The following DDB2 variants were observed in gnomAD, a reference collection of about 807,000 sequenced individuals.
DDB2 encodes damage specific DNA binding protein 2.
In DDB2, 27 loss-of-function variants were observed where a neutral mutation model predicts 50.5. The ratio of observed to expected loss-of-function variants is 0.53; its 90% CI spans 0.39 to 0.74. The LOEUF is 0.74. Ranked by LOEUF, DDB2 falls within the 30% of genes least tolerant of loss-of-function variation. The pLI, the probability that DDB2 is intolerant of heterozygous loss-of-function variation, is 0.00. For missense variants in DDB2, 424 were observed against 545.6 expected (o/e 0.78, Z 2.22); for synonymous variants, 176 against 205.5 (o/e 0.86, Z 1.23).
chr11:47,218,894 TA>T (rs966698272), intron 3 of DDB2, among the ~76,000 whole-genome samples: 2 of 152,002 alleles, frequency 1.3e-5, no homozygotes, highest in South Asian at 4.2e-4. Flanking sequence ...TCTTGAGTTT[TA>T]AAAAAAATTG....
In DDB2 at chr11:47,238,801, T is replaced by C; in HGVS notation, c.1236T>C (p.Gly412=). Residue 412 remains glycine, a splice_region_variant and synonymous_variant, in exon 10 of 10, where the codon GGT becomes GGC. Coordinates refer to ENST00000256996, the MANE Select transcript of DDB2 (RefSeq NM_000107.3). The part of the protein sequence containing the change: ...PMGDTLASAM[G]YHILIWSQEE... The stretch of plus-strand genomic sequence containing the variant: ...TCAGACTGGTCTCACTCTTCCTAGG[T>C]TACCACATTCTCATCTGGAGCCAGG... The C allele has an allele frequency of 6.2e-7, 1 of 1,613,656 alleles. No homozygotes were observed. The highest frequency in any genetic ancestry group is 8.5e-7 in the Non-Finnish European group (1 of 1,179,888).
In DDB2 at chr11:47,219,472, G is replaced by A. The variant is rs917377808; in HGVS notation, c.456+2423G>A. Among the ~76,000 whole-genome samples the A allele has an allele frequency of 1.6e-4, 24 of 151,024 alleles. 1 individual carries two copies. The South Asian group carries it at 2.3e-3, about 14-fold the overall frequency. On this transcript the variant is annotated intron_variant, in intron 3 of 9. Transcript: ENST00000256996. ...ACCTTCCTGACTCAAGGAATCCTCC[G>A]GCTTCAGCCTCCCATGTATCAGGGA...
chr11:47,223,030 A>G (rs1300855274), intron 3 of DDB2, among the ~76,000 whole-genome samples: 1 of 152,194 alleles, frequency 6.6e-6, no homozygotes, highest in East Asian at 1.9e-4. Flanking sequence ...CTAGAAAAGT[A>G]TTTTGCCTTT....
Position 47,234,451 on chromosome 11 carries a change from A to G in DDB2, c.603-122A>G, listed in dbSNP as rs1179455958. On this transcript the variant is annotated intron_variant, in intron 4 of 9. Coordinates refer to ENST00000256996, the MANE Select transcript of DDB2 (RefSeq NM_000107.3). Reference sequence around the variant, plus strand: ...ACTAGGAATCCACGGCAAGACAGTTATTCATTCATTCAACAAATATTTATT... The same window carrying G: ...ACTAGGAATCCACGGCAAGACAGTTGTTCATTCATTCAACAAATATTTATT... The G allele has an allele frequency of 1.2e-5, 10 of 812,344 alleles. No homozygotes were observed. In the Admixed American group the frequency reaches 1.5e-4, roughly 13 times the overall value. 50.3% of individuals were successfully genotyped at this position (812,344 alleles called of 1,614,324 possible).
In DDB2 at chr11:47,232,788, AC is replaced by A. The variant is rs763214889; in HGVS notation, c.457-25del. ...CTCACGGCCAGGCCCATCATCACTC[AC>A]TGGCTTTTTCCTTCCTCGTGTTAGA... On this transcript the variant is annotated intron_variant, in intron 3 of 9. Transcript: ENST00000256996. 4.3e-6 allele frequency: 7 copies of A among 1,612,692 alleles called. No individual in the cohort carries two copies. The East Asian group carries it at 1.3e-4, about 31-fold the overall frequency.
chr11:47,232,736 C>T lies in DDB2; in HGVS notation c.457-78C>T, dbSNP rs897459748. 3.2e-5 allele frequency: 49 copies of T among 1,538,832 alleles called. No homozygotes were observed. The East Asian group carries it at 5.6e-4, about 18-fold the overall frequency. ...TGCTCGAGGGGTGCTTCTGTGACGG[C>T]GCAGCATGTGTGCCCAGGCCTGGTT... On this transcript the variant is annotated intron_variant, in intron 3 of 9. Transcript: ENST00000256996.
Position 47,237,893 on chromosome 11 carries a change from T to G in DDB2, c.1080T>G (p.Asn360Lys), listed in dbSNP as rs2135517115. 1 of 1,614,154 alleles carries G rather than the reference T, an allele frequency of 6.2e-7. No individual in the cohort carries two copies. The highest frequency in any genetic ancestry group is 1.3e-5 in the African/African-American group (1 of 75,042). ...LIVVGRYPDP[N>K]FKSCTPYELR... is the part of the protein sequence containing the mutation. The stretch of plus-strand genomic sequence containing the variant: ...TTGTGGGCCGATACCCAGATCCTAA[T>G]TTCAAAAGTTGTACCCCTTATGAAT... The change falls in exon 8 of 10, where the codon AAT (asparagine) becomes AAG (lysine). Residue 360 changes from asparagine (N) to lysine (K), a missense_variant. By Grantham distance (94) the Asn-to-Lys change is moderately conservative. Transcript: ENST00000256996.
chr11:47,238,155 C>T lies in DDB2; in HGVS notation c.1206C>T (p.Pro402=). 2 of 1,612,448 alleles carry T rather than the reference C, an allele frequency of 1.2e-6. No individual in the cohort carries two copies. The highest frequency in any genetic ancestry group is 1.7e-6 in the Non-Finnish European group (2 of 1,179,274). ...CTCTGCAGCTTAATGAATTCAATCC[C>T]ATGGGGGACACGCTGGCCTCTGCAA... The part of the protein sequence containing the change: ...SGISSLNEFN[P]MGDTLASAMG... Residue 402 remains proline, a synonymous_variant, in exon 9 of 10, where the codon CCC becomes CCT. Transcript: ENST00000256996.
intron 3 of DDB2, among the ~76,000 whole-genome samples, chr11:47,223,932 C>T (rs1341007194): frequency 3.9e-5 from 6 of 152,072 alleles, no homozygotes; most frequent in African/African-American, 1.4e-4. Context: ...CAGCAAGACC[C>T]CATCTCTACA....
chr11:47,236,653 G>A (rs926853239), intron 7 of DDB2, among the ~76,000 whole-genome samples: 2 of 152,232 alleles, frequency 1.3e-5, no homozygotes, highest in Admixed American at 1.3e-4. Context: ...TATACTTAAA[G>A]CACTTGGCCC....
chr11:47,224,227 T>C (rs1590993068), intron 3 of DDB2, among the ~76,000 whole-genome samples: 1 of 152,162 alleles, frequency 6.6e-6, no homozygotes, highest in Admixed American at 6.6e-5. Flanking sequence ...CTTTGATTTA[T>C]GGATTTTTTT....
chr11:47,225,610 CA>C (rs1953548097), intron 3 of DDB2, among the ~76,000 whole-genome samples: 1 of 150,582 alleles, frequency 6.6e-6, no homozygotes, highest in African/African-American at 2.4e-5. Flanking sequence ...AAAAAAAAAA[CA>C]AAAAACTGGT....
rs780921271 is a variant in DDB2 at position 47,215,108 on chromosome 11, G to T, written c.-29G>T. 1.2e-6 allele frequency: 2 copies of T among 1,613,800 alleles called. No individual in the cohort carries two copies. Among genetic ancestry groups the T allele is most frequent in the Admixed American group, 1.7e-5 (1 of 59,974 alleles). ...CCTCCCTCCATGATCTTCGCATAGA[G>T]CACAGTACCCCTTCACACGGAGGAC... On this transcript the variant is annotated 5_prime_UTR_variant, in exon 1 of 10. Transcript: ENST00000256996.
chr11:47,233,340 G>C (rs1352734738), intron 4 of DDB2: 1 of 313,426 alleles, frequency 3.2e-6, no homozygotes, highest in African/African-American at 2.1e-5. Flanking sequence ...CCTGTTCCTG[G>C]GTGGAAGCTT....
intron 1 of DDB2, chr11:47,215,874 G>T (rs910230844): frequency 6.8e-5 from 20 of 292,218 alleles, no homozygotes; most frequent in African/African-American, 4.2e-4. Context: ...TACCTCCCCA[G>T]AAGTAACCTA....
Sources: allele counts gnomAD v4.1 joint callset (sites outside exome capture counted in the v4.1 genomes callset), GRCh38; gene constraint gnomAD v4.1.1; transcripts MANE v1.5; gene names NCBI Gene and HGNC (gene_info 2026-07-23, HGNC 2026-07-21).